The following AGTPBP1 variants were observed in gnomAD, a reference collection of about 807,000 sequenced individuals.
The protein encoded by AGTPBP1 is cytosolic carboxypeptidase 1.
Under a neutral mutation model 143.9 loss-of-function variants are expected in AGTPBP1, and 70 were observed. That is an observed-to-expected ratio of 0.49 (90% CI 0.40 to 0.59). The LOEUF (loss-of-function observed/expected upper bound fraction) is 0.59, where lower values mean the gene tolerates loss of function less well. Among genes scored for constraint, AGTPBP1 ranks in the 20% least tolerant of loss-of-function variants. The pLI, the probability that AGTPBP1 is intolerant of heterozygous loss-of-function variation, is 0.00. For synonymous variants in AGTPBP1, 463 were observed against 500.2 expected (o/e 0.93, Z 0.99); for missense variants, 1,229 against 1,464.5 (o/e 0.84, Z 2.62).
At chr9:85,802,270 T>C in the AGTPBP1 span, among the ~76,000 whole-genome samples, 1 of 152,184 alleles carries the variant, frequency 6.6e-6, no homozygotes, top group Non-Finnish European at 1.5e-5. Flanking sequence ...ACTCCTCTCA[T>C]AGCTTTACTT....
At chr9:85,560,586 C>T (rs973026401) in intron 25 of AGTPBP1, among the ~76,000 whole-genome samples, 16 of 151,804 alleles carry the variant, frequency 1.1e-4, no homozygotes, top group African/African-American at 3.6e-4. Context: ...TACTTCTCAA[C>T]TTAAAAAAAA....
At chr9:85,572,910 T>G (rs34915251) in intron 25 of AGTPBP1, among the ~76,000 whole-genome samples, 6,172 of 152,216 alleles carry the variant, frequency 0.041, 156 homozygotes, top group Middle Eastern at 0.12. Flanking sequence ...TACTGACATA[T>G]ACAACAGGGC....
At chr9:85,651,811 A>G (rs1045842122) in intron 11 of AGTPBP1, among the ~76,000 whole-genome samples, 1 of 152,248 alleles carries the variant, frequency 6.6e-6, no homozygotes, top group Non-Finnish European at 1.5e-5. Flanking sequence ...TATCAAGGCC[A>G]GCTCGATTCA....
intron 1 of AGTPBP1, among the ~76,000 whole-genome samples, chr9:85,714,502 T>C (rs1837577296): frequency 6.6e-6 from 1 of 152,204 alleles, no homozygotes; most frequent in Non-Finnish European, 1.5e-5. Flanking sequence ...CTGTGTGTAA[T>C]GAGCTAGAAG....
chr9:85,792,246 C>G, the AGTPBP1 span: 5 of 152,304 alleles, frequency 3.3e-5, no homozygotes, highest in African/African-American at 1.2e-4. Context: ...ACTTCACTGT[C>G]TATCCTCTAG....
At chr9:85,578,836 A>G in intron 24 of AGTPBP1, 84 bp downstream of exon 24, 1 of 1,330,234 alleles carries the variant, frequency 7.5e-7, no homozygotes, top group South Asian at 1.3e-5. Flanking sequence ...AACATCATTT[A>G]ATATATACTT....
In AGTPBP1 at chr9:85,588,377, G is replaced by A. The variant is rs376580319; in HGVS notation, c.2824C>T (p.Pro942Ser). Residue 942 changes from proline (P) to serine (S), a missense_variant, in exon 21 of 26, where the codon CCC becomes TCC. Physicochemically the swap from Pro to Ser is moderately conservative, Grantham distance 74. Around this residue, in one of 2 missense-constraint regions of AGTPBP1, gnomAD observed 486 missense variants for 652.3 expected, o/e 0.75. Coordinates refer to ENST00000357081, the MANE Select transcript of AGTPBP1 (RefSeq NM_001330701.2). ...GTLEYLMSNNPTAQSLRESYI... is the reference protein window; with the variant it reads ...GTLEYLMSNNSTAQSLRESYI... ...GATTCTCGTAAGCTCTGAGCAGTGGGGTTATTGCTCATGAGATATTCCAAC... is the reference window on the plus strand; with the variant it reads ...GATTCTCGTAAGCTCTGAGCAGTGGAGTTATTGCTCATGAGATATTCCAAC... The A allele has an allele frequency of 6.9e-5, 112 of 1,613,308 alleles. No individual in the cohort carries two copies. The Middle Eastern group carries it at 9.9e-4, about 14-fold the overall frequency.
chr9:85,742,275 G>A (rs1824403363), upstream of AGTPBP1, among the ~76,000 whole-genome samples: 1 of 152,092 alleles, frequency 6.6e-6, no homozygotes, highest in African/African-American at 2.4e-5. Flanking sequence ...AACTGCGAGC[G>A]ACTCCCCACG....
chr9:85,768,498 T>C, the AGTPBP1 span, among the ~76,000 whole-genome samples: 1 of 152,190 alleles, frequency 6.6e-6, no homozygotes, highest in African/African-American at 2.4e-5. Flanking sequence ...ATGTATTGTT[T>C]CTCTTAAAGT....
intron 3 of AGTPBP1, among the ~76,000 whole-genome samples, chr9:85,690,878 T>C (rs1463600884): frequency 6.6e-6 from 1 of 152,162 alleles, no homozygotes; most frequent in Non-Finnish European, 1.5e-5. Flanking sequence ...AAGAGGGTCA[T>C]TCCCTGATAG....
In AGTPBP1 at chr9:85,655,318, T is replaced by G. The variant is rs1564110510; in HGVS notation, c.912A>C (p.Glu304Asp). Reference protein sequence around the residue: ...GMKILYNTSQECLAVRTLDPL... With the variant: ...GMKILYNTSQDCLAVRTLDPL... ...GATCCAGAGTCCTGACTGCCAGACA[T>G]TCCTGTTTTTTAAAAAAAGAAAAAG... The change falls in exon 11 of 26, where the codon GAA (glutamate) becomes GAC (aspartate). Residue 304 changes from glutamate to aspartate, a missense_variant and splice_region_variant. Physicochemically the swap from Glu to Asp is conservative, Grantham distance 45. This residue lies in a region of AGTPBP1 where 743 missense variants were observed against 812.2 expected (regional missense o/e 0.91). Coordinates refer to ENST00000357081, the MANE Select transcript of AGTPBP1 (RefSeq NM_001330701.2). The G allele has an allele frequency of 6.7e-7, 1 of 1,485,514 alleles. No homozygotes were observed. Among genetic ancestry groups the G allele is most frequent in the Non-Finnish European group, 8.9e-7 (1 of 1,118,970 alleles). The allele number at this position is 1,485,514 out of a possible 1,614,324, so 92.0% of individuals were successfully genotyped here. A position where few individuals can be genotyped will look rare whatever the true frequency, so the allele number is the denominator to read the frequency against.
upstream of AGTPBP1, among the ~76,000 whole-genome samples, chr9:85,746,833 A>G (rs897502036): frequency 7.9e-5 from 12 of 152,178 alleles, no homozygotes; most frequent in Admixed American, 5.2e-4. Context: ...CACTATGTAT[A>G]TCAAAACATC....
At chr9:85,587,518 T>C (rs1309389206) in intron 21 of AGTPBP1, among the ~76,000 whole-genome samples, 1 of 152,158 alleles carries the variant, frequency 6.6e-6, no homozygotes, top group Non-Finnish European at 1.5e-5. Context: ...ATAAATAGAA[T>C]TCTAACTGGT....
chr9:85,682,575 G>C (rs571247582), intron 3 of AGTPBP1, among the ~76,000 whole-genome samples: 20 of 152,300 alleles, frequency 1.3e-4, no homozygotes, highest in Non-Finnish European at 2.6e-4. Context: ...CAGAATGACA[G>C]TGCCATTTAT....
At chr9:85,620,475 T>G (rs996671021) in intron 15 of AGTPBP1, among the ~76,000 whole-genome samples, 55 of 151,398 alleles carry the variant, frequency 3.6e-4, no homozygotes, top group Non-Finnish European at 7.2e-4. Flanking sequence ...TGGCAAGATG[T>G]GAAATTTTCC....
At chr9:85,570,725 T>C (rs893643753) in intron 25 of AGTPBP1, among the ~76,000 whole-genome samples, 41 of 152,318 alleles carry the variant, frequency 2.7e-4, no homozygotes, top group African/African-American at 9.6e-4. Context: ...AATAAATACC[T>C]AAACACAATG....
intron 8 of AGTPBP1, among the ~76,000 whole-genome samples, chr9:85,668,263 G>A (rs1834252411): frequency 6.6e-6 from 1 of 151,920 alleles, no homozygotes; most frequent in Admixed American, 6.6e-5. Context: ...TTTGGATTCT[G>A]ATTCAAACAA....
chr9:85,656,595 T>C (rs1032166411), intron 10 of AGTPBP1, among the ~76,000 whole-genome samples: 1 of 151,916 alleles, frequency 6.6e-6, no homozygotes, highest in African/African-American at 2.4e-5. Flanking sequence ...CTAATAATTA[T>C]AGCTTTCTTA....
intron 25 of AGTPBP1, among the ~76,000 whole-genome samples, chr9:85,570,320 A>G (rs1366627655): frequency 6.6e-6 from 1 of 152,212 alleles, no homozygotes; most frequent in Non-Finnish European, 1.5e-5. Context: ...ACTGCATTTG[A>G]CCACGGTTAA....
Sources: allele counts gnomAD v4.1 joint callset (sites outside exome capture counted in the v4.1 genomes callset), GRCh38; gene constraint gnomAD v4.1.1; regional missense constraint gnomAD v4.1.1; transcripts MANE v1.5; gene names NCBI Gene and HGNC (gene_info 2026-07-23, HGNC 2026-07-21).